Variants in RAD51B observed in about 807,000 individuals in gnomAD.
RAD51B encodes DNA repair protein RAD51 homolog 2.
A neutral mutation model predicts 42.2 loss-of-function variants in RAD51B; 38 were observed. That is an observed-to-expected ratio of 0.90 (90% CI 0.70 to 1.18). The LOEUF is 1.18. Among genes scored for constraint, RAD51B ranks in the 50% most tolerant of loss-of-function variants. RAD51B has a pLI of 0.00. For missense variants in RAD51B, 373 were observed against 400.7 expected, an observed-to-expected ratio of 0.93 and a Z score of 0.59; for synonymous variants, 154 against 145.2, an observed-to-expected ratio of 1.06 and a Z score of -0.43.
downstream of RAD51B, among the ~76,000 whole-genome samples, chr14:68,597,012 C>T (rs1012676034): frequency 1.3e-5 from 2 of 152,164 alleles, no homozygotes; most frequent in African/African-American, 2.4e-5. Context: ...AAATTCGTTC[C>T]CTTGTTGTAT....
chr14:68,674,497 T>A (rs1024701057), intron 11 of RAD51B, among the ~76,000 whole-genome samples: 1 of 151,724 alleles, frequency 6.6e-6, no homozygotes, highest in Non-Finnish European at 1.5e-5. Context: ...ATTTAATGAA[T>A]ATATATTTTA....
At chr14:68,616,420 G>C (rs1891827940), downstream of RAD51B, among the ~76,000 whole-genome samples, 1 of 152,022 alleles carries the variant, frequency 6.6e-6, no homozygotes, top group Admixed American at 6.5e-5. Context: ...ATTGTCTTCT[G>C]GCTTGCATTG....
chr14:68,141,235 GATGTT>G (rs2140726526), intron 7 of RAD51B, among the ~76,000 whole-genome samples: 1 of 152,256 alleles, frequency 6.6e-6, no homozygotes, highest in South Asian at 2.1e-4. Context: ...TTTATGATAA[GATGTT>G]ATGAGTTTAT....
chr14:68,101,738 G>A (rs1001291529), intron 7 of RAD51B, among the ~76,000 whole-genome samples: 5 of 152,136 alleles, frequency 3.3e-5, no homozygotes, highest in Admixed American at 6.5e-5. Flanking sequence ...CACGGTGCAA[G>A]CTGTCAGTGG....
chr14:68,140,979 C>G (rs1381194223), intron 7 of RAD51B, among the ~76,000 whole-genome samples: 1 of 152,158 alleles, frequency 6.6e-6, no homozygotes, highest in Non-Finnish European at 1.5e-5. Flanking sequence ...AATTTATCAT[C>G]AAAACTAGGA....
At chr14:68,629,024 G>C (rs1055969199) in intron 10 of RAD51B, among the ~76,000 whole-genome samples, 5 of 152,146 alleles carry the variant, frequency 3.3e-5, no homozygotes, top group Non-Finnish European at 7.4e-5. Flanking sequence ...CCGCAAGTTC[G>C]GGGCTCGAGA....
intron 7 of RAD51B, among the ~76,000 whole-genome samples, chr14:67,934,570 T>C (rs1335268811): frequency 6.6e-6 from 1 of 152,228 alleles, no homozygotes; most frequent in South Asian, 2.1e-4. Context: ...AAAGGGAGTT[T>C]AAAATATCTC....
intron 7 of RAD51B, among the ~76,000 whole-genome samples, chr14:68,064,440 G>T (rs958478855): frequency 2.0e-5 from 3 of 152,048 alleles, no homozygotes; most frequent in African/African-American, 7.2e-5. Context: ...GACCTTATTG[G>T]TTTGAAATTT....
intron 7 of RAD51B, among the ~76,000 whole-genome samples, chr14:68,195,676 A>G (rs1324473904): frequency 1.3e-5 from 2 of 152,112 alleles, no homozygotes; most frequent in Admixed American, 6.5e-5. Flanking sequence ...TGGGAGGCTG[A>G]GGCAGGTGGA....
At chr14:68,398,289 A>G (rs2083985550) in intron 8 of RAD51B, among the ~76,000 whole-genome samples, 1 of 152,224 alleles carries the variant, frequency 6.6e-6, no homozygotes, top group Admixed American at 6.5e-5. Flanking sequence ...AGTCAAATTC[A>G]TCAGATGCAC....
At chr14:67,891,977 T>A (rs2043233413) in intron 7 of RAD51B, among the ~76,000 whole-genome samples, 1 of 152,222 alleles carries the variant, frequency 6.6e-6, no homozygotes, top group South Asian at 2.1e-4. Context: ...AGACCCTTGA[T>A]GTAGACATAG....
intron 8 of RAD51B, among the ~76,000 whole-genome samples, chr14:68,367,711 G>A (rs1281581935): frequency 6.6e-6 from 1 of 152,164 alleles, no homozygotes; most frequent in Non-Finnish European, 1.5e-5. Flanking sequence ...AAGCTGGCCT[G>A]GTGATTAATC....
In RAD51B at chr14:68,661,998, G is replaced by A. The variant is rs115458052; in HGVS notation, c.*11+11142G>A. Among the ~76,000 whole-genome samples the A allele has an allele frequency of 2.1e-3, 320 of 152,102 alleles. 3 individuals carry two copies. The highest frequency in any genetic ancestry group is 7.4e-3 in the African/African-American group (307 of 41,466). ...TTCTGCTTTTCCTTCACACATTCTC[G>A]TGTGACACACTCTCAGTCCCCTCCC... On this transcript the variant is annotated intron_variant, in intron 11 of 11. Transcript: ENST00000488612.
At chr14:68,682,908 G>C in intron 11 of RAD51B, 1 of 768,988 alleles carries the variant, frequency 1.3e-6, no homozygotes, top group African/African-American at 2.4e-5. Context: ...TGTAGCTTAT[G>C]GCTTTTTTTT....
intron 4 of RAD51B, among the ~76,000 whole-genome samples, chr14:67,863,331 A>G (rs542684644): frequency 7.2e-4 from 109 of 152,124 alleles, no homozygotes; most frequent in Non-Finnish European, 1.3e-3. Flanking sequence ...CAAATTCTGA[A>G]ACAGTGGTTC....
chr14:67,948,759 GTT>G (rs1349189389), intron 7 of RAD51B, among the ~76,000 whole-genome samples: 3 of 151,260 alleles, frequency 2.0e-5, no homozygotes, highest in Non-Finnish European at 4.4e-5. Flanking sequence ...GTGAAACCCC[GTT>G]TCTACTAAAA....
intron 3 of RAD51B, among the ~76,000 whole-genome samples, chr14:67,828,581 A>G (rs1171719006): frequency 6.6e-6 from 1 of 152,036 alleles, no homozygotes; most frequent in Admixed American, 6.6e-5. Context: ...GGTATTGCCT[A>G]GATTTTCTTC....
chr14:68,627,651 C>T (rs972183092), intron 10 of RAD51B, among the ~76,000 whole-genome samples: 1 of 152,186 alleles, frequency 6.6e-6, no homozygotes, highest in Non-Finnish European at 1.5e-5. Flanking sequence ...CTGCCAGTCC[C>T]CATTACCTAT....
intron 10 of RAD51B, among the ~76,000 whole-genome samples, chr14:68,561,641 G>T (rs1041728261): frequency 6.6e-6 from 1 of 152,194 alleles, no homozygotes; most frequent in African/African-American, 2.4e-5. Context: ...GCAGCGTGAG[G>T]GTTCCACGTG....
Sources: gnomAD v4.1 joint callset for allele counts (sites outside exome capture counted in the v4.1 genomes callset) on GRCh38, gnomAD v4.1.1 for gene constraint, MANE v1.5 for transcripts, NCBI Gene and HGNC (gene_info 2026-07-23, HGNC 2026-07-21) for gene names.